The following KIF26B variants were observed in gnomAD, a reference collection of about 807,000 sequenced individuals.
KIF26B encodes kinesin-like protein KIF26B.
In KIF26B, 63 loss-of-function variants were observed where a neutral mutation model predicts 151.2. That is an observed-to-expected ratio of 0.42 (90% CI 0.34 to 0.51). The LOEUF is 0.51. Among genes scored for constraint, KIF26B ranks in the 20% least tolerant of loss-of-function variants. KIF26B has a pLI of 0.07. For missense variants in KIF26B, 2,813 were observed against 2,913.6 expected (o/e 0.97, Z 0.79); for synonymous variants, 1,357 against 1,262.1 (o/e 1.08, Z -1.59).
chr1:245,267,479 T>C (rs903306742), intron 2 of KIF26B, among the ~76,000 whole-genome samples: 4 of 152,152 alleles, frequency 2.6e-5, no homozygotes, highest in African/African-American at 9.7e-5. Context: ...AGAGGTAATT[T>C]TACTCTTTTC....
At chr1:245,260,217 TAGAAGCGTGGCCTG>T (rs1266762628) in intron 2 of KIF26B, among the ~76,000 whole-genome samples, 2 of 152,106 alleles carry the variant, frequency 1.3e-5, no homozygotes, top group African/African-American at 2.4e-5. Flanking sequence ...TAGGCTTCGG[TAGAAGCGTGGCCTG>T]CAGAATCAGG....
At chr1:245,587,017 A>G (rs1051269555) in intron 5 of KIF26B, among the ~76,000 whole-genome samples, 1 of 152,160 alleles carries the variant, frequency 6.6e-6, no homozygotes, top group Non-Finnish European at 1.5e-5. Flanking sequence ...AGGTGGAGGC[A>G]TGATTGCCAT....
intron 4 of KIF26B, among the ~76,000 whole-genome samples, chr1:245,432,314 C>G (rs534529): frequency 0.62 from 94,799 of 151,864 alleles, 30,415 homozygotes; most frequent in African/African-American, 0.78. Context: ...CAGATGTTTT[C>G]GGGGGATAGC....
intron 2 of KIF26B, among the ~76,000 whole-genome samples, chr1:245,252,456 T>A (rs569231422): frequency 6.6e-6 from 1 of 152,290 alleles, no homozygotes; most frequent in South Asian, 2.1e-4. Context: ...TATTTGTTAC[T>A]GTGAATGGAT....
chr1:245,445,183 T>A (rs1194838627), intron 4 of KIF26B, among the ~76,000 whole-genome samples: 1 of 152,210 alleles, frequency 6.6e-6, no homozygotes, highest in Non-Finnish European at 1.5e-5. Context: ...CTCCTTGGGC[T>A]GTTTGGAAAG....
intron 3 of KIF26B, among the ~76,000 whole-genome samples, chr1:245,410,917 A>T (rs1674265608): frequency 7.7e-6 from 1 of 129,626 alleles, no homozygotes; most frequent in Non-Finnish European, 1.7e-5. Flanking sequence ...GTTAACAATA[A>T]CTCTATGAAT....
At position 245,374,325 on chromosome 1, in the gene KIF26B, G is replaced by A. The variant is rs376690295; in HGVS notation, c.999+6958G>A. Among the ~76,000 whole-genome samples, 4 of 151,082 alleles carry A rather than the reference G, an allele frequency of 2.6e-5. No homozygotes were observed. The East Asian group carries it at 5.9e-4, about 22-fold the overall frequency. ...GGCTCTGGGAGGCCCACCAAGTGCTGTTGTACTCAGAGGCTTTGCCGATTG... is the reference window on the plus strand; with the variant it reads ...GGCTCTGGGAGGCCCACCAAGTGCTATTGTACTCAGAGGCTTTGCCGATTG... On this transcript the variant is annotated intron_variant, in intron 3 of 14. Coordinates refer to ENST00000407071, the MANE Select transcript of KIF26B (RefSeq NM_018012.4).
chr1:245,526,344 C>A lies in KIF26B; in HGVS notation c.1167-14423C>A, dbSNP rs149698985. On this transcript the variant is annotated intron_variant, in intron 4 of 14. Transcript: ENST00000407071. ...TGCCTCTAGTGGGGCTGCTAAGGTACCAGCCATCTAAACATCTGCCCAGGT... is the reference window on the plus strand; with the variant it reads ...TGCCTCTAGTGGGGCTGCTAAGGTAACAGCCATCTAAACATCTGCCCAGGT... Among the ~76,000 whole-genome samples, 1,362 of 152,250 alleles carry A rather than the reference C, an allele frequency of 8.9e-3. 7 individuals are homozygous for A. The highest frequency in any genetic ancestry group is 0.014 in the Non-Finnish European group (923 of 68,020).
chr1:245,239,522 T>C lies in KIF26B; in HGVS notation c.465+82839T>C, dbSNP rs937985777. The stretch of plus-strand genomic sequence containing the variant: ...TTTGTTTGGGTTTTCATTGTTGTTT[T>C]AGACAGAGTCTCTCTCTGTCGCCCA... On this transcript the variant is annotated intron_variant, in intron 2 of 14. Transcript: ENST00000407071. This position sits in a 1 kb window ranked among gnomAD's most constrained non-coding sequence, Gnocchi z 4.3. Among the ~76,000 whole-genome samples the C allele has an allele frequency of 2.0e-5, 3 of 152,158 alleles. No homozygotes were observed. The South Asian group carries it at 6.2e-4, about 32-fold the overall frequency.
intron 2 of KIF26B, among the ~76,000 whole-genome samples, chr1:245,275,407 C>T (rs1201412227): frequency 6.6e-6 from 1 of 152,142 alleles, no homozygotes; most frequent in Non-Finnish European, 1.5e-5. Flanking sequence ...CTTGCCCATG[C>T]CTAGGTCCTG....
chr1:245,555,811 G>A (rs919917301), intron 5 of KIF26B, among the ~76,000 whole-genome samples: 5 of 152,290 alleles, frequency 3.3e-5, no homozygotes, highest in Admixed American at 1.3e-4. Flanking sequence ...CGTATTTACC[G>A]AGCATTGACT....
At chr1:245,646,775 T>C (rs554788647) in intron 10 of KIF26B, among the ~76,000 whole-genome samples, 1 of 152,338 alleles carries the variant, frequency 6.6e-6, no homozygotes, top group Non-Finnish European at 1.5e-5. Flanking sequence ...GTGACATGTA[T>C]TTTATCTGGC....
At chr1:245,369,191 GAGAGAGAC>G (rs755324033) in intron 3 of KIF26B, among the ~76,000 whole-genome samples, 5 of 138,318 alleles carry the variant, frequency 3.6e-5, no homozygotes, top group African/African-American at 9.1e-5. Context: ...GAGAGAGAGA[GAGAGAGAC>G]AGACAGACAG....
At chr1:245,208,098 C>T (rs563461269) in intron 2 of KIF26B, among the ~76,000 whole-genome samples, 16 of 152,266 alleles carry the variant, frequency 1.1e-4, no homozygotes, top group African/African-American at 3.4e-4. Flanking sequence ...TCCTCAAATC[C>T]GAATCTGAGC....
intron 4 of KIF26B, among the ~76,000 whole-genome samples, chr1:245,522,027 G>A (rs1189938912): frequency 2.6e-5 from 4 of 151,700 alleles, no homozygotes; most frequent in Non-Finnish European, 4.4e-5. Context: ...CCGCCACCAT[G>A]CCCGGCTAAT....
chr1:245,188,281 CAAAAAAAAAAAA>C (rs10661723), intron 2 of KIF26B, among the ~76,000 whole-genome samples: 1 of 79,510 alleles, frequency 1.3e-5, no homozygotes, highest in African/African-American at 4.9e-5. Flanking sequence ...ACTCCATCTC[CAAAAAAAAAAAA>C]AAAAAAAAAG....
intron 9 of KIF26B, among the ~76,000 whole-genome samples, chr1:245,632,917 T>C (rs1280510659): frequency 6.6e-6 from 1 of 152,002 alleles, no homozygotes; most frequent in African/African-American, 2.4e-5. Flanking sequence ...CAAAAAATAA[T>C]AAATAATAAA....
chr1:245,617,296 C>A (rs2043600888), intron 9 of KIF26B, among the ~76,000 whole-genome samples: 1 of 152,210 alleles, frequency 6.6e-6, no homozygotes, highest in African/African-American at 2.4e-5. Flanking sequence ...CGGGGTTTCA[C>A]CATGTTGGCC....
At chr1:245,186,258 G>A (rs965177242) in intron 2 of KIF26B, among the ~76,000 whole-genome samples, 1 of 152,116 alleles carries the variant, frequency 6.6e-6, no homozygotes, top group African/African-American at 2.4e-5. Context: ...CCTTCGATGA[G>A]TCATGGGCCG....
Sources: allele counts gnomAD v4.1 joint callset (sites outside exome capture counted in the v4.1 genomes callset), GRCh38; gene constraint gnomAD v4.1.1; non-coding constraint Gnocchi (gnomAD v3.1); transcripts MANE v1.5; gene names NCBI Gene and HGNC (gene_info 2026-07-23, HGNC 2026-07-21).